The following EPHB2 variants were observed in gnomAD, a reference collection of about 807,000 sequenced individuals.
EPHB2 encodes ephrin type-B receptor 2.
Under a neutral mutation model 96.4 loss-of-function variants are expected in EPHB2, and 18 were observed. That is an observed-to-expected ratio of 0.19 (90% CI 0.13 to 0.28). The LOEUF (loss-of-function observed/expected upper bound fraction) is 0.28. EPHB2 is among the 10% of genes least tolerant of loss of function. The pLI is 1.00. For synonymous variants in EPHB2, 506 were observed against 534.1 expected, an observed-to-expected ratio of 0.95 and a Z score of 0.72; for missense variants, 989 against 1,355.4, an observed-to-expected ratio of 0.73 and a Z score of 4.25.
intron 3 of EPHB2, among the ~76,000 whole-genome samples, chr1:22,853,485 A>G (rs149519237): frequency 6.6e-6 from 1 of 152,358 alleles, no homozygotes; most frequent in African/African-American, 2.4e-5. Flanking sequence ...GCAGTGGCAG[A>G]GGTACAGTGC....
chr1:22,857,584 C>T (rs1645719573), intron 3 of EPHB2, among the ~76,000 whole-genome samples: 2 of 152,080 alleles, frequency 1.3e-5, no homozygotes, highest in Admixed American at 1.3e-4. Context: ...GGATACAGGA[C>T]TTGCAGTTTG....
intron 3 of EPHB2, among the ~76,000 whole-genome samples, chr1:22,806,345 T>C (rs893969): frequency 0.042 from 6,391 of 152,282 alleles, 433 homozygotes; most frequent in African/African-American, 0.14. Flanking sequence ...CTGTGCTCAC[T>C]GTACCTCTTA....
In EPHB2 at chr1:22,733,826, A is replaced by G. The variant is rs900777738; in HGVS notation, c.61+22783A>G. ...CCCGGGACTGGATTCTTGGCCTGGT[A>G]TGATTTGGTGGGGACAGAGCTAGAA... On this transcript the variant is annotated intron_variant, in intron 1 of 15. Coordinates refer to ENST00000374630, the MANE Select transcript of EPHB2 (RefSeq NM_017449.5). This position sits in a 1 kb window ranked among gnomAD's most constrained non-coding sequence, Gnocchi z 4.6. Among the ~76,000 whole-genome samples, 5 of 149,950 alleles carry G rather than the reference A, an allele frequency of 3.3e-5. No homozygotes were observed. Among genetic ancestry groups the G allele is most frequent in the East Asian group, 2.0e-4 (1 of 5,090 alleles).
intron 3 of EPHB2, among the ~76,000 whole-genome samples, chr1:22,849,912 G>A (rs934638239): frequency 6.6e-6 from 1 of 152,224 alleles, no homozygotes; most frequent in Non-Finnish European, 1.5e-5. Flanking sequence ...GGGTAAAGGG[G>A]CCCTGAAAGG....
At chr1:22,712,578 G>T (rs955543914) in intron 1 of EPHB2, among the ~76,000 whole-genome samples, 1 of 152,198 alleles carries the variant, frequency 6.6e-6, no homozygotes, top group Non-Finnish European at 1.5e-5. Flanking sequence ...CCGCAGTCAG[G>T]GGGTGGGGGG....
chr1:22,765,658 G>C (rs539652353), intron 1 of EPHB2, among the ~76,000 whole-genome samples: 1 of 151,228 alleles, frequency 6.6e-6, no homozygotes, highest in African/African-American at 2.4e-5. Flanking sequence ...CGAGCTTTCC[G>C]TCACTCTGAG....
At chr1:22,723,379 G>T (rs895099974) in intron 1 of EPHB2, among the ~76,000 whole-genome samples, 1 of 152,200 alleles carries the variant, frequency 6.6e-6, no homozygotes, top group Admixed American at 6.5e-5. Flanking sequence ...GCCTGTCTCC[G>T]TCAGCGTCAG....
chr1:22,741,801 C>T (rs1037110496), intron 1 of EPHB2, among the ~76,000 whole-genome samples: 1 of 152,068 alleles, frequency 6.6e-6, no homozygotes. Context: ...ACACACTGGG[C>T]CTGTTGTCTT....
chr1:22,759,105 T>C (rs1438203968), intron 1 of EPHB2, among the ~76,000 whole-genome samples: 1 of 152,144 alleles, frequency 6.6e-6, no homozygotes, highest in Non-Finnish European at 1.5e-5. Context: ...ATTTGCTCCC[T>C]CCTCAGGTCT....
At position 22,905,994 on chromosome 1, in the gene EPHB2, A is replaced by AG; in HGVS notation, c.1775dup (p.Met593HisfsTer25). ...CCTGGTCTTGTCCCCCAGTGACCCC[A>AG]GGCATGAAGATCTACATCGATCCTT... On this transcript the variant is annotated frameshift_variant, in exon 10 of 16. Transcript: ENST00000374630. LOFTEE classifies it high-confidence loss of function. 1 of 1,614,126 alleles carries AG rather than the reference A, an allele frequency of 6.2e-7. No individual in the cohort carries two copies. The highest frequency in any genetic ancestry group is 2.2e-5 in the East Asian group (1 of 44,876).
chr1:22,912,546 C>T lies in EPHB2; in HGVS notation c.2799C>T (p.Ser933=), dbSNP rs1640141526. 1 of 1,614,134 alleles carries T rather than the reference C, an allele frequency of 6.2e-7. No individual in the cohort carries two copies. The highest frequency in any genetic ancestry group is 8.5e-7 in the Non-Finnish European group (1 of 1,180,038). Residue 933 remains serine, a synonymous_variant, in exon 15 of 16, where the codon AGC becomes AGT. Transcript: ENST00000374630. The stretch of plus-strand genomic sequence containing the variant: ...TCAAGATGGGGCAGTACAAGGAGAG[C>T]TTCGCCAATGCCGGCTTCACCTCCT... The part of the protein sequence containing the change: ...EAIKMGQYKE[S]FANAGFTSFD...
intron 3 of EPHB2, among the ~76,000 whole-genome samples, chr1:22,819,078 C>T (rs1342688583): frequency 6.6e-6 from 1 of 152,102 alleles, no homozygotes; most frequent in Non-Finnish European, 1.5e-5. Context: ...GCTGTGAGAC[C>T]TTAGGATAGT....
chr1:22,858,236 G>A lies in EPHB2; in HGVS notation c.812-4801G>A, dbSNP rs1437634580. Reference sequence around the variant, plus strand: ...GAGCGCAGTGAGTGAGAGGAGGAGGGGGAAGCGTCCAGGAGACCATCAGGA... The same window carrying A: ...GAGCGCAGTGAGTGAGAGGAGGAGGAGGAAGCGTCCAGGAGACCATCAGGA... On this transcript the variant is annotated intron_variant, in intron 3 of 15. Transcript: ENST00000374630. The surrounding 1 kb of genome is among the most constrained non-coding windows in gnomAD (Gnocchi z 7.7). Among the ~76,000 whole-genome samples the A allele has an allele frequency of 5.7e-5, 6 of 105,022 alleles. No individual in the cohort carries two copies. The highest frequency in any genetic ancestry group is 1.5e-4 in the Non-Finnish European group (6 of 39,754). 68.9% of individuals were successfully genotyped at this position (105,022 alleles called of 152,430 possible).
intron 9 of EPHB2, 145 bp downstream of exon 9, chr1:22,896,623 C>A: frequency 9.8e-7 from 1 of 1,025,190 alleles, no homozygotes; most frequent in Non-Finnish European, 1.5e-6. Flanking sequence ...AGCTCACTCT[C>A]ACCTCTAGGC....
intron 1 of EPHB2, among the ~76,000 whole-genome samples, chr1:22,715,389 G>A (rs1449894052): frequency 6.6e-6 from 1 of 152,092 alleles, no homozygotes; most frequent in Admixed American, 6.5e-5. Context: ...CTGATGGGGG[G>A]TGGGGGAAGC....
In EPHB2 at chr1:22,892,900, A is replaced by G. The variant is rs764578709; in HGVS notation, c.1445A>G (p.Asn482Ser). The G allele has an allele frequency of 6.2e-7, 1 of 1,614,166 alleles. No individual in the cohort carries two copies. The highest frequency in any genetic ancestry group is 8.5e-7 in the Non-Finnish European group (1 of 1,180,024). ...QYYEKELSEY[N>S]ATAIKSPTNT... ...CCTCGGCAGGAGCTCAGTGAGTACA[A>G]CGCCACAGCCATAAAAAGCCCCACC... The change falls in exon 7 of 16, where the codon AAC (asparagine) becomes AGC (serine). Residue 482 changes from asparagine to serine, a missense_variant. By Grantham distance (46) the Asn-to-Ser change is conservative. Transcript: ENST00000374630.
intron 3 of EPHB2, among the ~76,000 whole-genome samples, chr1:22,851,513 A>G (rs77646749): frequency 0.013 from 1,906 of 152,284 alleles, 38 homozygotes; most frequent in African/African-American, 0.042. Flanking sequence ...TCTTCCCTCC[A>G]ATGTGGGCAT....
At chr1:22,721,303 A>G (rs1643460433) in intron 1 of EPHB2, among the ~76,000 whole-genome samples, 1 of 152,218 alleles carries the variant, frequency 6.6e-6, no homozygotes, top group Admixed American at 6.5e-5. Flanking sequence ...GGACCTGGGC[A>G]ACACATAGTC....
chr1:22,914,532 GTTGTTTT>G lies in EPHB2; in HGVS notation c.*973_*979del, dbSNP rs1476364034. ...TTGGTTTAGGGGGTTTGTTTGTTGG[GTTGTTTT>G]TTGTTTTTTGGTTTTTTTTAATGAC... is the stretch of plus-strand genomic sequence containing the variant. On this transcript the variant is annotated 3_prime_UTR_variant, in exon 16 of 16. Coordinates refer to ENST00000374630, the MANE Select transcript of EPHB2 (RefSeq NM_017449.5). 6.6e-6 allele frequency: 1 copy of G among 152,540 alleles called. No homozygotes were observed. The highest frequency in any genetic ancestry group is 2.4e-5 in the African/African-American group (1 of 41,392). 9.4% of individuals were successfully genotyped at this position (152,540 alleles called of 1,614,324 possible). A position where few individuals can be genotyped will look rare whatever the true frequency, so the allele number is the denominator to read the frequency against.
Sources: gnomAD v4.1 joint callset for allele counts (sites outside exome capture counted in the v4.1 genomes callset) on GRCh38, gnomAD v4.1.1 for gene constraint, Gnocchi (gnomAD v3.1) non-coding constraint, MANE v1.5 for transcripts, NCBI Gene and HGNC (gene_info 2026-07-23, HGNC 2026-07-21) for gene names.